Variants in RARB observed in about 807,000 individuals in gnomAD.
The protein encoded by RARB is retinoic acid receptor beta.
Under a neutral mutation model 51.9 loss-of-function variants are expected in RARB, and 17 were observed. That is an observed-to-expected ratio of 0.33 (90% CI 0.22 to 0.49). The LOEUF is 0.49. Ranked by LOEUF, RARB falls within the 20% of genes least tolerant of loss-of-function variation. The probability of loss-of-function intolerance (pLI) is 0.99; values close to 1 mark genes in which losing one functional copy is unlikely to be tolerated. For missense variants in RARB, 369 were observed against 550.8 expected (o/e 0.67, Z 3.30); for synonymous variants, 215 against 195.4 (o/e 1.10, Z -0.84).
chr3:25,186,221 C>G (rs544932730), intron 5 of RARB, among the ~76,000 whole-genome samples: 7 of 151,966 alleles, frequency 4.6e-5, no homozygotes, highest in Non-Finnish European at 8.8e-5. Flanking sequence ...ATTGGTGATA[C>G]AAATCAAGAC....
chr3:25,269,375 T>G (rs2125410570), intron 5 of RARB, among the ~76,000 whole-genome samples: 1 of 152,298 alleles, frequency 6.6e-6, no homozygotes, highest in African/African-American at 2.4e-5. Context: ...CATTGAGAGG[T>G]AGGAACGTGT....
chr3:25,322,563 C>T (rs1170034580), intron 5 of RARB, among the ~76,000 whole-genome samples: 1 of 152,060 alleles, frequency 6.6e-6, no homozygotes, highest in Non-Finnish European at 1.5e-5. Flanking sequence ...TACTTATGTG[C>T]TCTGGAAGGA....
intron 1 of RARB, among the ~76,000 whole-genome samples, chr3:25,430,891 T>C (rs1272032162): frequency 2.6e-5 from 4 of 152,070 alleles, no homozygotes; most frequent in African/African-American, 9.7e-5. Flanking sequence ...AAATATTGCT[T>C]GTGCCCTTGC....
At chr3:24,853,200 C>A in intron 1 of RARB, among the ~76,000 whole-genome samples, 1 of 151,628 alleles carries the variant, frequency 6.6e-6, no homozygotes, top group Non-Finnish European at 1.5e-5. Context: ...ACCTGTAGTC[C>A]CAGCTACTGG....
At chr3:25,428,015 C>A (rs1708046346), upstream of RARB, among the ~76,000 whole-genome samples, 2 of 152,144 alleles carry the variant, frequency 1.3e-5, no homozygotes, top group Admixed American at 6.5e-5. Context: ...TCCTCCCCTG[C>A]TCATTTTAAA....
At chr3:25,061,526 C>T (rs1698548835) in intron 3 of RARB, among the ~76,000 whole-genome samples, 1 of 151,686 alleles carries the variant, frequency 6.6e-6, no homozygotes, top group Admixed American at 6.6e-5. Flanking sequence ...TTGTTTTCTT[C>T]TCTGCTTGGT....
intron 4 of RARB, among the ~76,000 whole-genome samples, chr3:25,570,390 A>T (rs1700663371): frequency 6.6e-6 from 1 of 152,186 alleles, no homozygotes; most frequent in African/African-American, 2.4e-5. Context: ...TCCAACCAAG[A>T]TAAAGAGGCC....
At chr3:25,069,962 A>G (rs1016886121) in intron 3 of RARB, among the ~76,000 whole-genome samples, 1 of 152,194 alleles carries the variant, frequency 6.6e-6, no homozygotes, top group East Asian at 1.9e-4. Flanking sequence ...GTGGCTTAAA[A>G]CAACAGAAAT....
At chr3:25,375,223 G>A (rs376633973) in intron 5 of RARB, among the ~76,000 whole-genome samples, 4 of 152,118 alleles carry the variant, frequency 2.6e-5, no homozygotes, top group African/African-American at 9.7e-5. Flanking sequence ...AATAAATACA[G>A]GACCCTATGC....
At chr3:25,272,240 C>A (rs976296770) in intron 5 of RARB, among the ~76,000 whole-genome samples, 1 of 152,210 alleles carries the variant, frequency 6.6e-6, no homozygotes, top group African/African-American at 2.4e-5. Context: ...GTGCTGGCCA[C>A]ATGACACTGA....
intron 1 of RARB, among the ~76,000 whole-genome samples, chr3:25,456,977 C>T (rs1249728869): frequency 6.6e-5 from 10 of 152,086 alleles, no homozygotes; most frequent in South Asian, 2.1e-4. Context: ...ATAGTTCACT[C>T]TGACATTATA....
chr3:25,258,330 AG>A (rs1334393877), intron 5 of RARB, among the ~76,000 whole-genome samples: 1 of 152,168 alleles, frequency 6.6e-6, no homozygotes, highest in East Asian at 1.9e-4. Flanking sequence ...TTGAATGGTC[AG>A]CACTCTTCTG....
intron 2 of RARB, among the ~76,000 whole-genome samples, chr3:25,040,939 C>A (rs1698101475): frequency 6.6e-6 from 1 of 152,142 alleles, no homozygotes; most frequent in Admixed American, 6.5e-5. Flanking sequence ...GGAATGTGAA[C>A]TCTTTGAGGG....
Position 24,989,671 on chromosome 3 carries a change from G to A in RARB, c.-379-70454G>A, listed in dbSNP as rs570815128. Among the ~76,000 whole-genome samples the A allele has an allele frequency of 5.9e-4, 60 of 101,678 alleles. 19 individuals carry two copies. The highest frequency in any genetic ancestry group is 2.2e-3 in the African/African-American group (57 of 26,236). The allele number at this position is 101,678 out of a possible 152,430, so 66.7% of individuals were successfully genotyped here. A position where few individuals can be genotyped will look rare whatever the true frequency, so the allele number is the denominator to read the frequency against. On this transcript the variant is annotated intron_variant, in intron 2 of 11. Transcript: ENST00000383772. ...CTCTTTTCTTTTTAGACATTTTATT[G>A]TGTTAAATACTAAGCCTTTATGAAT...
rs542106066 is a variant in RARB at position 24,981,272 on chromosome 3, G to A, written c.-379-78853G>A. 3.9e-5 allele frequency among the ~76,000 whole-genome samples: 6 copies of A among 152,296 alleles called. No individual in the cohort carries two copies. The East Asian group carries it at 7.7e-4, about 20-fold the overall frequency. On this transcript the variant is annotated intron_variant, in intron 2 of 11. Coordinates refer to the RARB transcript ENST00000383772. ...GTCTGTCTCTTCATGGATCTTGAAC[G>A]CCATGTTGGGAGAACCACTGCTCTC...
intron 3 of RARB, chr3:25,555,655 A>T (rs1019083855): frequency 5.3e-5 from 8 of 152,146 alleles, no homozygotes; most frequent in Non-Finnish European, 1.5e-5. Context: ...CTTTGTATGT[A>T]CTCTAGTTAT....
chr3:25,365,998 A>G (rs1706107401), intron 5 of RARB, among the ~76,000 whole-genome samples: 1 of 152,182 alleles, frequency 6.6e-6, no homozygotes, highest in Non-Finnish European at 1.5e-5. Flanking sequence ...ATTTTTTTAA[A>G]ACACCACACT....
chr3:25,016,807 G>T (rs1009042498), intron 2 of RARB, among the ~76,000 whole-genome samples: 1 of 151,902 alleles, frequency 6.6e-6, no homozygotes, highest in African/African-American at 2.4e-5. Flanking sequence ...CTCCTATCCT[G>T]TGCCCTCTCC....
At chr3:25,070,361 T>G (rs974755578) in intron 3 of RARB, among the ~76,000 whole-genome samples, 2 of 152,024 alleles carry the variant, frequency 1.3e-5, no homozygotes, top group African/African-American at 4.8e-5. Context: ...GAAGAGCGAG[T>G]GCATACTTGT....
Sources: gnomAD v4.1 joint callset for allele counts (sites outside exome capture counted in the v4.1 genomes callset) on GRCh38, gnomAD v4.1.1 for gene constraint, MANE v1.5 for transcripts, NCBI Gene and HGNC (gene_info 2026-07-23, HGNC 2026-07-21) for gene names.